The following ZMYND8 variants were observed in gnomAD, a reference collection of about 807,000 sequenced individuals.
ZMYND8 encodes zinc finger MYND-type containing 8.
A neutral mutation model predicts 140.8 loss-of-function variants in ZMYND8; 37 were observed. The ratio of observed to expected loss-of-function variants is 0.26; its 90% CI spans 0.20 to 0.35. The LOEUF (loss-of-function observed/expected upper bound fraction) is 0.35, where lower values mean the gene tolerates loss of function less well. Ranked by LOEUF, ZMYND8 falls within the 10% of genes least tolerant of loss-of-function variation. The pLI, the probability that ZMYND8 is intolerant of heterozygous loss-of-function variation, is 1.00. For missense variants in ZMYND8, 1,068 were observed against 1,570.0 expected (o/e 0.68, Z 5.40); for synonymous variants, 592 against 597.1 (o/e 0.99, Z 0.12).
At chr20:47,309,231 C>A (rs1342112182) in intron 3 of ZMYND8, among the ~76,000 whole-genome samples, 4 of 152,168 alleles carry the variant, frequency 2.6e-5, no homozygotes, top group Admixed American at 2.6e-4. Context: ...ATCCTCTGTG[C>A]TTCCACGAAA....
chr20:47,321,856 CTTTTTTTTTTT>C lies in ZMYND8; in HGVS notation c.86-11663_86-11653del, dbSNP rs60425976. The stretch of plus-strand genomic sequence containing the variant: ...ATCGATTTATTTAAAACTCGCCGCC[CTTTTTTTTTTT>C]TTTTTTTTTTTGAAACAGAGTCTCA... On this transcript the variant is annotated intron_variant, in intron 2 of 22. Coordinates refer to ENST00000471951, the MANE Select transcript of ZMYND8 (RefSeq NM_001281775.3). Among the ~76,000 whole-genome samples the C allele has an allele frequency of 6.8e-3, 837 of 123,484 alleles. 9 individuals carry two copies. The highest frequency in any genetic ancestry group is 0.027 in the African/African-American group (808 of 30,424). 81.0% of individuals were successfully genotyped at this position (123,484 alleles called of 152,430 possible). A position where few individuals can be genotyped will look rare whatever the true frequency, so the allele number is the denominator to read the frequency against.
chr20:47,227,593 G>A (rs1030552447), intron 17 of ZMYND8, among the ~76,000 whole-genome samples: 12 of 152,120 alleles, frequency 7.9e-5, no homozygotes, highest in Admixed American at 4.6e-4. Flanking sequence ...CTATAAATAC[G>A]TAACAAATAC....
intron 14 of ZMYND8, among the ~76,000 whole-genome samples, chr20:47,239,867 C>T (rs1483952156): frequency 6.6e-6 from 1 of 152,172 alleles, no homozygotes; most frequent in African/African-American, 2.4e-5. Flanking sequence ...CTGTGTGCTA[C>T]TGTTCTTATT....
At chr20:47,325,513 C>T (rs2080337289) in intron 2 of ZMYND8, among the ~76,000 whole-genome samples, 1 of 152,170 alleles carries the variant, frequency 6.6e-6, no homozygotes, top group Non-Finnish European at 1.5e-5. Flanking sequence ...GTAGCGAAGT[C>T]AACAGGGAAG....
intron 3 of ZMYND8, among the ~76,000 whole-genome samples, chr20:47,309,673 C>A (rs139684035): frequency 2.6e-5 from 4 of 152,232 alleles, no homozygotes; most frequent in African/African-American, 9.6e-5. Context: ...AGCCAAGCAA[C>A]CGCTTCCAGA....
intron 22 of ZMYND8, among the ~76,000 whole-genome samples, chr20:47,211,197 G>A (rs1410966374): frequency 2.0e-5 from 3 of 152,208 alleles, no homozygotes; most frequent in Admixed American, 6.5e-5. Flanking sequence ...CTTGTGCCGT[G>A]TCTGGAACCG....
intron 2 of ZMYND8, among the ~76,000 whole-genome samples, chr20:47,321,004 A>G (rs2079900298): frequency 1.3e-5 from 2 of 152,240 alleles, no homozygotes; most frequent in South Asian, 4.1e-4. Flanking sequence ...AACCAGGGTA[A>G]AAGTTTGTTC....
intron 7 of ZMYND8, among the ~76,000 whole-genome samples, chr20:47,287,573 A>G (rs532963855): frequency 6.6e-6 from 1 of 152,336 alleles, no homozygotes; most frequent in African/African-American, 2.4e-5. Flanking sequence ...TTGACATTCT[A>G]AAGGCTCAAA....
In ZMYND8 at chr20:47,246,164, G is replaced by T. The variant is rs1274233305; in HGVS notation, c.2128C>A (p.Leu710Met). ...GAATCCGTCTCATCTTTTCCCTTCA[G>T]TTTATCCTTTATGGGGTGAGGTGAA... ...KPSPHPIKDK[L>M]KGKDETDSPT... The change falls in exon 14 of 23, where the codon CTG (leucine) becomes ATG (methionine). Residue 710 changes from leucine to methionine, a missense_variant. Physicochemically the swap from Leu to Met is conservative, Grantham distance 15. Around this residue, in one of 10 missense-constraint regions of ZMYND8, gnomAD observed 383 missense variants for 431.2 expected, o/e 0.89. Coordinates refer to ENST00000471951, the MANE Select transcript of ZMYND8 (RefSeq NM_001281775.3). 6.2e-7 allele frequency: 1 copy of T among 1,614,144 alleles called. No individual in the cohort carries two copies. The highest frequency in any genetic ancestry group is 1.1e-5 in the South Asian group (1 of 91,078).
chr20:47,244,989 G>A (rs1452532146), intron 14 of ZMYND8, among the ~76,000 whole-genome samples: 3 of 152,070 alleles, frequency 2.0e-5, no homozygotes, highest in African/African-American at 4.8e-5. Context: ...CCCGGGAGGC[G>A]GAGGTTGCAG....
intron 11 of ZMYND8, 43 bp from the exon 12 acceptor site, chr20:47,262,471 A>G (rs970605074): frequency 4.3e-6 from 7 of 1,611,940 alleles, no homozygotes; most frequent in Non-Finnish European, 5.9e-6. Context: ...TTACAAATAA[A>G]CAAGTAGAAC....
chr20:47,356,538 A>G (rs2148664345), intron 1 of ZMYND8, 119 bp downstream of exon 1: 1 of 1,612,708 alleles, frequency 6.2e-7, no homozygotes, highest in Admixed American at 1.7e-5. Context: ...TTCCAAGTTA[A>G]CATAAGTGCT....
rs114872583 is a variant in ZMYND8, at chr20:47,350,256, G to A, written c.15-2330C>T. Among the ~76,000 whole-genome samples the A allele has an allele frequency of 4.5e-3, 653 of 145,606 alleles. 4 individuals carry two copies. Among genetic ancestry groups the A allele is most frequent in the African/African-American group, 0.016 (625 of 40,140 alleles). ...TCAAAAGGAACCCGTGCACACACAT[G>A]CACGCACACTCACACACACAATTAA... is the stretch of plus-strand genomic sequence containing the variant. On this transcript the variant is annotated intron_variant, in intron 1 of 22. Coordinates refer to ENST00000471951, the MANE Select transcript of ZMYND8 (RefSeq NM_001281775.3).
intron 3 of ZMYND8, 147 bp from the exon 4 acceptor site, chr20:47,299,094 CTAAATATA>C: frequency 2.8e-6 from 2 of 726,790 alleles, no homozygotes; most frequent in South Asian, 3.8e-5. Flanking sequence ...GGTTACTCTA[CTAAATATA>C]TAATTAGCAA....
chr20:47,225,047 G>A (rs998642426), intron 18 of ZMYND8, among the ~76,000 whole-genome samples: 4 of 151,998 alleles, frequency 2.6e-5, no homozygotes, highest in South Asian at 4.1e-4. Context: ...TACCCCTTTC[G>A]CAGATGAGGA....
chr20:47,322,461 G>A (rs1266890784), intron 2 of ZMYND8, among the ~76,000 whole-genome samples: 1 of 121,042 alleles, frequency 8.3e-6, no homozygotes, highest in Non-Finnish European at 1.6e-5. Flanking sequence ...TTTTTTTTCA[G>A]CACAGAATCT....
chr20:47,227,085 C>G, intron 18 of ZMYND8, 118 bp downstream of exon 18: 1 of 1,074,556 alleles, frequency 9.3e-7, no homozygotes, highest in Middle Eastern at 2.1e-4. Context: ...GGTCTCCCTA[C>G]GAGTCATACA....
At chr20:47,272,066 G>A (rs1032111090) in intron 11 of ZMYND8, among the ~76,000 whole-genome samples, 2 of 143,428 alleles carry the variant, frequency 1.4e-5, no homozygotes, top group African/African-American at 5.3e-5. Context: ...AGGGGGGGGG[G>A]AGTAATATGA....
chr20:47,261,340 C>T (rs746097985), intron 12 of ZMYND8, among the ~76,000 whole-genome samples: 2 of 152,044 alleles, frequency 1.3e-5, no homozygotes, highest in East Asian at 1.9e-4. Flanking sequence ...AGTTCAAGAC[C>T]AGCCTGGGCA....
Sources: gnomAD v4.1 joint callset for allele counts (sites outside exome capture counted in the v4.1 genomes callset) on GRCh38, gnomAD v4.1.1 for gene constraint, gnomAD v4.1.1 regional missense constraint, MANE v1.5 for transcripts, NCBI Gene and HGNC (gene_info 2026-07-23, HGNC 2026-07-21) for gene names.